CHRM2: variants seen among roughly 807,000 people sequenced by gnomAD.
CHRM2 encodes the protein muscarinic acetylcholine receptor M2.
CHRM2 carries 8 observed loss-of-function variants against 25.0 expected under a neutral mutation model. The observed-to-expected ratio is 0.32, with a 90% CI of 0.19 to 0.58. The LOEUF (loss-of-function observed/expected upper bound fraction) is 0.58, where lower values mean the gene tolerates loss of function less well. CHRM2 is among the 20% of genes least tolerant of loss of function. CHRM2 has a pLI of 0.88. For missense variants in CHRM2, 440 were observed against 567.1 expected (o/e 0.78, Z 2.28); for synonymous variants, 202 against 205.7 (o/e 0.98, Z 0.15).
chr7:136,883,045 C>G (rs990059214), intron 2 of CHRM2, among the ~76,000 whole-genome samples: 6 of 152,124 alleles, frequency 3.9e-5, no homozygotes, highest in African/African-American at 1.4e-4. Context: ...CATGCAATAG[C>G]CTTAGCCTTA....
chr7:136,913,295 C>A (rs1297926711), intron 2 of CHRM2, among the ~76,000 whole-genome samples: 1 of 151,772 alleles, frequency 6.6e-6, no homozygotes, highest in Non-Finnish European at 1.5e-5. Flanking sequence ...AATGGATTAG[C>A]CTATCTATTA....
intron 2 of CHRM2, among the ~76,000 whole-genome samples, chr7:136,961,665 T>A (rs1321735303): frequency 6.7e-6 from 1 of 148,788 alleles, no homozygotes; most frequent in Non-Finnish European, 1.5e-5. Flanking sequence ...ATGAGTTATA[T>A]AGGTTTACTG....
At chr7:136,886,848 G>A (rs1392782423) in intron 2 of CHRM2, among the ~76,000 whole-genome samples, 1 of 152,110 alleles carries the variant, frequency 6.6e-6, no homozygotes, top group Non-Finnish European at 1.5e-5. Context: ...ACACTACCCT[G>A]AGCAACAGAG....
intron 2 of CHRM2, among the ~76,000 whole-genome samples, chr7:136,916,279 A>G (rs1798105892): frequency 6.6e-6 from 1 of 151,900 alleles, no homozygotes; most frequent in Admixed American, 6.6e-5. Flanking sequence ...AATAAGAAAA[A>G]CTCAACATAA....
At chr7:136,929,272 C>CTT (rs71176354) in intron 2 of CHRM2, among the ~76,000 whole-genome samples, 25 of 144,650 alleles carry the variant, frequency 1.7e-4, no homozygotes, top group African/African-American at 4.5e-4. Flanking sequence ...TCTTTTCTTT[C>CTT]TTTTTTTTTT....
At chr7:136,903,242 C>A (rs759461787) in intron 2 of CHRM2, 2 of 534,222 alleles carry the variant, frequency 3.7e-6, no homozygotes, top group South Asian at 2.8e-5. Context: ...AGAGATGCAC[C>A]AACCTGGAGG....
Position 137,015,800 on chromosome 7 carries a change from T to A in CHRM2, c.935T>A (p.Leu312Gln), listed in dbSNP as rs200017653. 5.6e-6 allele frequency: 9 copies of A among 1,613,164 alleles called. No homozygotes were observed. In the East Asian group the frequency reaches 2.0e-4, roughly 36 times the overall value. The change falls in exon 4 of 4, where the codon CTG (leucine) becomes CAG (glutamine). Residue 312 changes from leucine to glutamine, a missense_variant. Leu to Gln is a moderately radical substitution (Grantham distance 113). This residue lies in a region of CHRM2 where 261 missense variants were observed against 261.8 expected (regional missense o/e 1.00). Coordinates refer to ENST00000680005, the MANE Select transcript of CHRM2 (RefSeq NM_001006630.2). The surrounding 1 kb of genome is among the most constrained non-coding windows in gnomAD (Gnocchi z 5.1). Reference sequence around the variant, plus strand: ...GATGAAAACACAGTTTCCACTTCCCTGGGCCATTCCAAAGATGAGAACTCT... The same window carrying A: ...GATGAAAACACAGTTTCCACTTCCCAGGGCCATTCCAAAGATGAGAACTCT... The part of the protein sequence containing the change: ...TQDENTVSTS[L>Q]GHSKDENSKQ...
rs3068417 is a variant in CHRM2, at chr7:136,944,473, ATGTG to A, written c.-124-47702_-124-47699del. 4.9e-3 allele frequency among the ~76,000 whole-genome samples: 740 copies of A among 151,432 alleles called. 9 individuals carry two copies. Among genetic ancestry groups the A allele is most frequent in the African/African-American group, 0.016 (679 of 41,286 alleles). On this transcript the variant is annotated intron_variant, in intron 2 of 3. Coordinates refer to ENST00000680005, the MANE Select transcript of CHRM2 (RefSeq NM_001006630.2). The stretch of plus-strand genomic sequence containing the variant: ...TCATATTCCATATATGTATGTATGT[ATGTG>A]TGTGTGTGTGTACATGTATACATAT...
chr7:137,014,521 T>G (rs1034200828), intron 3 of CHRM2, among the ~76,000 whole-genome samples: 6 of 152,044 alleles, frequency 3.9e-5, no homozygotes, highest in African/African-American at 1.4e-4. Context: ...TATGCTAAGT[T>G]TCATGGATTG....
chr7:136,953,037 T>C (rs1322582263), intron 2 of CHRM2, among the ~76,000 whole-genome samples: 1 of 152,184 alleles, frequency 6.6e-6, no homozygotes, highest in Non-Finnish European at 1.5e-5. Flanking sequence ...GTAATGAGCA[T>C]AAATGTGCAT....
rs191336795 is a variant in CHRM2 at position 136,962,547 on chromosome 7, A to G, written c.-124-29640A>G. On this transcript the variant is annotated intron_variant, in intron 2 of 3. Coordinates refer to ENST00000680005, the MANE Select transcript of CHRM2 (RefSeq NM_001006630.2). ...ACAGGTAGTCATGCCCTGTTCTCTG[A>G]GGGCATTTGTTAAGCTTTCCATATT... Among the ~76,000 whole-genome samples, 3 of 152,282 alleles carry G rather than the reference A, an allele frequency of 2.0e-5. No individual in the cohort carries two copies. The East Asian group carries it at 5.8e-4, about 29-fold the overall frequency.
At position 136,943,108 on chromosome 7, in the gene CHRM2, GT is replaced by G. The variant is rs1423789509; in HGVS notation, c.-124-49075del. Among the ~76,000 whole-genome samples, 3 of 152,264 alleles carry G rather than the reference GT, an allele frequency of 2.0e-5. No individual in the cohort carries two copies. The East Asian group carries it at 5.8e-4, about 29-fold the overall frequency. On this transcript the variant is annotated intron_variant, in intron 2 of 3. Transcript: ENST00000680005. ...TACCTCCAGTGTCAGGAAGCTCCCT[GT>G]TTTGCAGTGCAGCCCATCTCATTAT...
At chr7:136,958,659 G>A (rs1023610723) in intron 2 of CHRM2, among the ~76,000 whole-genome samples, 2 of 151,876 alleles carry the variant, frequency 1.3e-5, no homozygotes, top group African/African-American at 4.8e-5. Context: ...GTTTCACCAT[G>A]TTGCCCAGGC....
At chr7:136,875,023 A>AATAT (rs10573438) in intron 2 of CHRM2, among the ~76,000 whole-genome samples, 2,421 of 147,924 alleles carry the variant, frequency 0.016, 24 homozygotes, top group African/African-American at 0.03. Context: ...TTTCTTGCTG[A>AATAT]ATATATATAT....
intron 2 of CHRM2, among the ~76,000 whole-genome samples, chr7:136,917,036 T>C (rs1010539541): frequency 1.3e-5 from 2 of 152,056 alleles, no homozygotes; most frequent in African/African-American, 4.8e-5. Context: ...ATGATTCTAA[T>C]ATATGCCTTT....
At chr7:136,961,139 T>TA (rs918509144) in intron 2 of CHRM2, among the ~76,000 whole-genome samples, 1 of 151,806 alleles carries the variant, frequency 6.6e-6, no homozygotes, top group African/African-American at 2.4e-5. Flanking sequence ...AAAAATTAAT[T>TA]AAAAAAACCA....
In CHRM2 at chr7:136,957,713, C is replaced by T. The variant is rs147906101; in HGVS notation, c.-124-34474C>T. ...TATTCACCCCTCAGTTTACAAGTTG[C>T]TATTTTTCCTGAACATGTTAAATGT... On this transcript the variant is annotated intron_variant, in intron 2 of 3. Coordinates refer to ENST00000680005, the MANE Select transcript of CHRM2 (RefSeq NM_001006630.2). Among the ~76,000 whole-genome samples, 284 of 152,288 alleles carry T rather than the reference C, an allele frequency of 1.9e-3. 3 individuals are homozygous for T. Among genetic ancestry groups the T allele is most frequent in the African/African-American group, 6.4e-3 (267 of 41,554 alleles).
At chr7:136,923,216 G>A (rs1000844100) in intron 2 of CHRM2, among the ~76,000 whole-genome samples, 2 of 150,894 alleles carry the variant, frequency 1.3e-5, no homozygotes, top group Admixed American at 6.6e-5. Context: ...TATAAAAGCC[G>A]AGGTCATAAA....
chr7:137,009,815 C>T (rs1175410064), intron 3 of CHRM2, among the ~76,000 whole-genome samples: 3 of 151,788 alleles, frequency 2.0e-5, no homozygotes, highest in Non-Finnish European at 4.4e-5. Flanking sequence ...TTATCATTAC[C>T]AGTAGTAGTA....
Sources: gnomAD v4.1 joint callset for allele counts (sites outside exome capture counted in the v4.1 genomes callset) on GRCh38, gnomAD v4.1.1 for gene constraint, gnomAD v4.1.1 regional missense constraint, Gnocchi (gnomAD v3.1) non-coding constraint, MANE v1.5 for transcripts, NCBI Gene and HGNC (gene_info 2026-07-23, HGNC 2026-07-21) for gene names.